KCNQ1OT1: variants seen among roughly 807,000 people sequenced by gnomAD.
KCNQ1OT1 encodes the protein KCNQ1 antisense RNA 2 (non-protein coding).
exon 1 of KCNQ1OT1, chr11:2,650,005 G>C: frequency 2.5e-6 from 1 of 398,258 alleles, no homozygotes. Context: ...TTTTAAATCT[G>C]TCTGGTTTAT....
chr11:2,659,245 G>T lies in KCNQ1OT1; in HGVS notation n.40750C>A, dbSNP rs890547315. The T allele has an allele frequency of 2.5e-6, 1 of 398,510 alleles. No individual in the cohort carries two copies. Among genetic ancestry groups the T allele is most frequent in the Non-Finnish European group, 4.4e-6 (1 of 226,078 alleles). The allele number at this position is 398,510 out of a possible 1,614,324, so 24.7% of individuals were successfully genotyped here. A position where few individuals can be genotyped will look rare whatever the true frequency, so the allele number is the denominator to read the frequency against. On this transcript the variant is annotated non_coding_transcript_exon_variant, in exon 1 of 1. Transcript: ENST00000597346. This position sits in a 1 kb window ranked among gnomAD's most constrained non-coding sequence, Gnocchi z 4.3. The stretch of plus-strand genomic sequence containing the variant: ...CATACCCCTAAAAATACCCTGGGGT[G>T]AGTCTTTTGAAGTCAAGTACTTCTC...
chr11:2,683,622 C>T lies in KCNQ1OT1; in HGVS notation n.16373G>A. 1 of 398,674 alleles carries T rather than the reference C, an allele frequency of 2.5e-6. No individual in the cohort carries two copies. Among genetic ancestry groups the T allele is most frequent in the Admixed American group, 4.4e-5 (1 of 22,742 alleles). 24.7% of individuals were successfully genotyped at this position (398,674 alleles called of 1,614,324 possible). On this transcript the variant is annotated non_coding_transcript_exon_variant, in exon 1 of 1. Transcript: ENST00000597346. The surrounding 1 kb of genome is among the most constrained non-coding windows in gnomAD (Gnocchi z 4.7). Reference sequence around the variant, plus strand: ...TCATTTCAAATACTGCTCTAGACAACTGGGCCCTGCATCTGCTGCAAGGAA... The same window carrying T: ...TCATTTCAAATACTGCTCTAGACAATTGGGCCCTGCATCTGCTGCAAGGAA...
chr11:2,615,324 A>G (rs1849043077), exon 1 of KCNQ1OT1: 2 of 398,094 alleles, frequency 5.0e-6, no homozygotes, highest in African/African-American at 2.1e-5. Flanking sequence ...TCTAGATAGA[A>G]GATGTCATTA....
exon 1 of KCNQ1OT1, chr11:2,696,181 C>T (rs900238421): frequency 7.0e-5 from 28 of 398,470 alleles, no homozygotes; most frequent in Non-Finnish European, 1.0e-4. Flanking sequence ...TTTAAGAACC[C>T]CACGGCCACC....
At position 2,691,618 on chromosome 11, in the gene KCNQ1OT1, C is replaced by T. The variant is rs1432546650; in HGVS notation, n.8377G>A. 7.5e-6 allele frequency: 3 copies of T among 398,454 alleles called. No homozygotes were observed. The highest frequency in any genetic ancestry group is 2.1e-5 in the African/African-American group (1 of 48,598). The allele number at this position is 398,454 out of a possible 1,614,324, so 24.7% of individuals were successfully genotyped here. On this transcript the variant is annotated non_coding_transcript_exon_variant, in exon 1 of 1. Coordinates refer to ENST00000597346, the Ensembl canonical transcript of KCNQ1OT1. The surrounding 1 kb of genome is among the most constrained non-coding windows in gnomAD (Gnocchi z 6.4). ...GAGTCAACCTAGCTTGTTCCCTGCACGTACTGTGGGGAGGTCCTCTTTACC... is the reference window on the plus strand; with the variant it reads ...GAGTCAACCTAGCTTGTTCCCTGCATGTACTGTGGGGAGGTCCTCTTTACC...
At chr11:2,643,076 T>C in exon 1 of KCNQ1OT1, 1 of 398,132 alleles carries the variant, frequency 2.5e-6, no homozygotes, top group Non-Finnish European at 4.4e-6. Context: ...CTTAGTGTCC[T>C]AACATATAAT....
exon 1 of KCNQ1OT1, chr11:2,672,823 C>T (rs1041648838): frequency 2.5e-6 from 1 of 398,724 alleles, no homozygotes; most frequent in Admixed American, 4.4e-5. Context: ...CCAAGTGACC[C>T]CAACTCTGGG....
exon 1 of KCNQ1OT1, chr11:2,656,902 T>G (rs1849860550): frequency 2.5e-6 from 1 of 398,644 alleles, no homozygotes; most frequent in South Asian, 1.3e-4. Context: ...TGGTATATGA[T>G]GTGAGGTAAT....
At position 2,670,838 on chromosome 11, in the gene KCNQ1OT1, A is replaced by G. The variant is rs999713470; in HGVS notation, n.29157T>C. ...ATCATAAACCTGGTGCCACCAGCCAAGGAGGTCAAAGGTCCTCACTGGCCA... is the reference window on the plus strand; with the variant it reads ...ATCATAAACCTGGTGCCACCAGCCAGGGAGGTCAAAGGTCCTCACTGGCCA... On this transcript the variant is annotated non_coding_transcript_exon_variant, in exon 1 of 1. Coordinates refer to ENST00000597346, the Ensembl canonical transcript of KCNQ1OT1. The surrounding 1 kb of genome is among the most constrained non-coding windows in gnomAD (Gnocchi z 4.9). The G allele has an allele frequency of 7.5e-6, 3 of 398,576 alleles. No homozygotes were observed. 24.7% of individuals were successfully genotyped at this position (398,576 alleles called of 1,614,324 possible).
Position 2,645,054 on chromosome 11 carries a change from T to A in KCNQ1OT1, n.54941A>T, listed in dbSNP as rs1849645875. On this transcript the variant is annotated non_coding_transcript_exon_variant, in exon 1 of 1. Transcript: ENST00000597346. The surrounding 1 kb of genome is among the most constrained non-coding windows in gnomAD (Gnocchi z 5.8). Reference sequence around the variant, plus strand: ...TCCAGGCAACTTGCTCAGGTGCCAATGATGACAGAGCTGGGCCACAGGGTG... The same window carrying A: ...TCCAGGCAACTTGCTCAGGTGCCAAAGATGACAGAGCTGGGCCACAGGGTG... The A allele has an allele frequency of 2.5e-6, 1 of 398,454 alleles. No homozygotes were observed. The highest frequency in any genetic ancestry group is 2.1e-5 in the African/African-American group (1 of 48,558). 24.7% of individuals were successfully genotyped at this position (398,454 alleles called of 1,614,324 possible).
exon 1 of KCNQ1OT1, chr11:2,635,658 A>C (rs1031691642): frequency 1.1e-4 from 16 of 152,070 alleles, no homozygotes; most frequent in Non-Finnish European, 2.4e-4. Context: ...TTGTCTTGGC[A>C]ATGCGGGCTC....
chr11:2,649,409 G>C (rs1048386385), exon 1 of KCNQ1OT1: 1 of 398,294 alleles, frequency 2.5e-6, no homozygotes, highest in Non-Finnish European at 4.4e-6. Flanking sequence ...CATGATGGTA[G>C]ATATCATCCT....
rs146724775 is a variant in KCNQ1OT1 at position 2,642,066 on chromosome 11, C to G, written n.57929G>C. The G allele has an allele frequency of 1.2e-3, 472 of 398,312 alleles. 2 individuals carry two copies. The highest frequency in any genetic ancestry group is 9.0e-3 in the African/African-American group (437 of 48,708). 24.7% of individuals were successfully genotyped at this position (398,312 alleles called of 1,614,324 possible). A position where few individuals can be genotyped will look rare whatever the true frequency, so the allele number is the denominator to read the frequency against. ...AAATCAGGCAGTGTGATGCATCCAA[C>G]TTTGTTATTTTTGCTCAGAATTGCT... On this transcript the variant is annotated non_coding_transcript_exon_variant, in exon 1 of 1. Transcript: ENST00000597346. This position sits in a 1 kb window ranked among gnomAD's most constrained non-coding sequence, Gnocchi z 4.3.
In KCNQ1OT1 at chr11:2,690,033, C is replaced by T; in HGVS notation, n.9962G>A. The T allele has an allele frequency of 1.0e-5, 4 of 399,004 alleles. No individual in the cohort carries two copies. The East Asian group carries it at 1.4e-4, about 14-fold the overall frequency. The allele number at this position is 399,004 out of a possible 1,614,324, so 24.7% of individuals were successfully genotyped here. A position where few individuals can be genotyped will look rare whatever the true frequency, so the allele number is the denominator to read the frequency against. On this transcript the variant is annotated non_coding_transcript_exon_variant, in exon 1 of 1. Transcript: ENST00000597346. The surrounding 1 kb of genome is among the most constrained non-coding windows in gnomAD (Gnocchi z 5.1). The stretch of plus-strand genomic sequence containing the variant: ...GGAAGGTGAGCCTTCCGAGGGCCAG[C>T]CCTGCCTCTCCTCCCCTCTCCTAGC...
At chr11:2,637,912 A>C (rs1849501965) in exon 1 of KCNQ1OT1, 1 of 152,200 alleles carries the variant, frequency 6.6e-6, no homozygotes, top group Non-Finnish European at 1.5e-5. Flanking sequence ...CTTCTTGTTG[A>C]ATTGATCCCT....
chr11:2,675,159 T>C (rs926495645), exon 1 of KCNQ1OT1: 4 of 398,534 alleles, frequency 1.0e-5, no homozygotes, highest in African/African-American at 2.1e-5. Context: ...TTAGAGGTAG[T>C]GCTCTAGCGG....
At chr11:2,692,897 C>A in exon 1 of KCNQ1OT1, 1 of 398,622 alleles carries the variant, frequency 2.5e-6, no homozygotes, top group South Asian at 1.3e-4. Flanking sequence ...AGCAAGCTGG[C>A]TAAAATCAAC....
exon 1 of KCNQ1OT1, chr11:2,636,547 G>C (rs1364620474): frequency 6.6e-6 from 1 of 152,136 alleles, no homozygotes; most frequent in Non-Finnish European, 1.5e-5. Flanking sequence ...ACTTGATCAT[G>C]GTGGATAAGC....
exon 1 of KCNQ1OT1, chr11:2,646,338 A>G: frequency 2.5e-6 from 1 of 398,614 alleles, no homozygotes. Context: ...ATCCATGAGC[A>G]TGGGATGTCT....
Sources: gnomAD v4.1 joint callset for allele counts on GRCh38, gnomAD v4.1.1 for gene constraint, Gnocchi (gnomAD v3.1) non-coding constraint, MANE v1.5 for transcripts, NCBI Gene and HGNC (gene_info 2026-07-23, HGNC 2026-07-21) for gene names.